GPM6A: variants seen among roughly 807,000 people sequenced by gnomAD.
The protein encoded by GPM6A is glycoprotein M6A, also known as neuronal membrane glycoprotein M6-a.
GPM6A carries 7 observed loss-of-function variants against 32.1 expected under a neutral mutation model. The observed-to-expected ratio is 0.22, with a 90% CI of 0.12 to 0.41. GPM6A has a LOEUF of 0.41. GPM6A is among the 10% of genes least tolerant of loss of function. GPM6A has a pLI of 1.00. For missense variants in GPM6A, 235 were observed against 347.2 expected (o/e 0.68, Z 2.57); for synonymous variants, 130 against 123.4 (o/e 1.05, Z -0.35).
At chr4:175,645,203 G>A (rs1019334007) in intron 4 of GPM6A, among the ~76,000 whole-genome samples, 1 of 152,198 alleles carries the variant, frequency 6.6e-6, no homozygotes, top group Non-Finnish European at 1.5e-5. Flanking sequence ...GAAAGTTGCA[G>A]TAACGGGCTT....
At chr4:175,891,748 C>T (rs763177896) in intron 1 of GPM6A, 2 of 152,178 alleles carry the variant, frequency 1.3e-5, no homozygotes, top group Non-Finnish European at 2.9e-5. Flanking sequence ...AACTGCATTG[C>T]TCTTTTAAGA....
chr4:175,637,794 TA>T (rs68142068), intron 6 of GPM6A, among the ~76,000 whole-genome samples: 31,702 of 103,758 alleles, frequency 0.31, 5,316 homozygotes, highest in East Asian at 0.45. Flanking sequence ...ATATATAATA[TA>T]AAAATATATA....
rs887485271 is a variant in GPM6A at position 175,925,333 on chromosome 4, T to C, written c.-23+76976A>G. On this transcript the variant is annotated intron_variant, in intron 1 of 7. Transcript: ENST00000280187. ...TCTATTCCAAGTTTTCTTGTGAACA[T>C]ACGAAGAGCTATAAATTTGTTACTT... Among the ~76,000 whole-genome samples the C allele has an allele frequency of 3.3e-5, 5 of 152,328 alleles. No homozygotes were observed. The East Asian group carries it at 7.7e-4, about 23-fold the overall frequency.
At chr4:175,882,974 A>T (rs1467029474) in intron 1 of GPM6A, among the ~76,000 whole-genome samples, 1 of 152,136 alleles carries the variant, frequency 6.6e-6, no homozygotes, top group Non-Finnish European at 1.5e-5. Context: ...GTAAATTTTT[A>T]AAACTCATGA....
intron 1 of GPM6A, among the ~76,000 whole-genome samples, chr4:175,906,346 G>A (rs996185129): frequency 2.0e-5 from 3 of 152,122 alleles, no homozygotes; most frequent in African/African-American, 7.2e-5. Context: ...ATTCTTGAAT[G>A]TTTAGCAGTG....
chr4:175,702,622 C>T (rs1744943590), intron 1 of GPM6A, among the ~76,000 whole-genome samples: 1 of 152,116 alleles, frequency 6.6e-6, no homozygotes, highest in Admixed American at 6.5e-5. Flanking sequence ...TCAAGAGATT[C>T]TCCTGCCTTA....
intron 1 of GPM6A, among the ~76,000 whole-genome samples, chr4:175,940,169 C>T (rs1470237493): frequency 6.6e-6 from 1 of 152,046 alleles, no homozygotes; most frequent in Non-Finnish European, 1.5e-5. Flanking sequence ...GTCATAAAAG[C>T]ACCGTACATT....
intron 1 of GPM6A, chr4:175,801,044 G>A (rs1019760294): frequency 3.1e-5 from 5 of 161,180 alleles, no homozygotes; most frequent in African/African-American, 1.2e-4. Context: ...CCCAAGTATT[G>A]AACTCAAGAA....
At chr4:175,818,725 A>C (rs984931848) in intron 1 of GPM6A, among the ~76,000 whole-genome samples, 1 of 152,258 alleles carries the variant, frequency 6.6e-6, no homozygotes, top group African/African-American at 2.4e-5. Context: ...GGGTGAACAT[A>C]ATTTACAATA....
At chr4:175,917,309 C>T (rs1738524230) in intron 1 of GPM6A, among the ~76,000 whole-genome samples, 1 of 152,058 alleles carries the variant, frequency 6.6e-6, no homozygotes, top group South Asian at 2.1e-4. Context: ...GATGCTCTCC[C>T]CATTTTAACA....
chr4:175,915,367 A>G (rs1390093004), intron 1 of GPM6A, among the ~76,000 whole-genome samples: 1 of 151,526 alleles, frequency 6.6e-6, no homozygotes, highest in Non-Finnish European at 1.5e-5. Context: ...GCTCACTGCA[A>G]CCTCTGCCTC....
intron 3 of GPM6A, among the ~76,000 whole-genome samples, chr4:175,657,522 A>G (rs987058764): frequency 1.3e-5 from 2 of 152,172 alleles, no homozygotes; most frequent in African/African-American, 4.8e-5. Context: ...TTTGATCTTC[A>G]ACTTTAGACT....
At chr4:175,857,421 T>C (rs1209971444) in intron 1 of GPM6A, among the ~76,000 whole-genome samples, 2 of 151,934 alleles carry the variant, frequency 1.3e-5, no homozygotes, top group African/African-American at 2.4e-5. Context: ...ATATAAACAT[T>C]AAAATATCCA....
chr4:175,781,728 G>C (rs953382361), intron 1 of GPM6A, among the ~76,000 whole-genome samples: 1 of 152,020 alleles, frequency 6.6e-6, no homozygotes, highest in African/African-American at 2.4e-5. Context: ...ATTTCTAAAG[G>C]CTGTGGAACT....
chr4:175,800,573 A>G (rs1168976243), intron 1 of GPM6A, among the ~76,000 whole-genome samples: 1 of 152,206 alleles, frequency 6.6e-6, no homozygotes, highest in Non-Finnish European at 1.5e-5. Context: ...CCTACATAAT[A>G]CTGCATTATT....
At chr4:175,812,340 T>TTTTTA, upstream of GPM6A, 1 of 1,282,174 alleles carries the variant, frequency 7.8e-7, no homozygotes, top group Non-Finnish European at 1.0e-6. Flanking sequence ...TTTTTTTTTT[T>TTTTTA]CCTGGGAAGC....
intron 1 of GPM6A, among the ~76,000 whole-genome samples, chr4:175,733,495 G>T (rs2581746): frequency 0.41 from 61,805 of 151,934 alleles, 13,351 homozygotes; most frequent in East Asian, 0.92. Flanking sequence ...AGAGCAAGAC[G>T]CTGTCTCAAA....
intron 2 of GPM6A, among the ~76,000 whole-genome samples, chr4:175,690,595 T>C (rs564128153): frequency 1.3e-5 from 2 of 152,342 alleles, no homozygotes; most frequent in Non-Finnish European, 2.9e-5. Flanking sequence ...TTTCCTTGGC[T>C]AGTGGCCTCT....
chr4:175,947,111 G>A (rs1739633631), intron 1 of GPM6A, among the ~76,000 whole-genome samples: 1 of 151,598 alleles, frequency 6.6e-6, no homozygotes, highest in Non-Finnish European at 1.5e-5. Context: ...TGCCATAAAA[G>A]GACCAAATAA....
Sources: gnomAD v4.1 joint callset for allele counts (sites outside exome capture counted in the v4.1 genomes callset) on GRCh38, gnomAD v4.1.1 for gene constraint, MANE v1.5 for transcripts, NCBI Gene and HGNC (gene_info 2026-07-23, HGNC 2026-07-21) for gene names.